METTL3: variants seen among roughly 807,000 people sequenced by gnomAD.
METTL3 encodes the protein methyltransferase 3, N6-adenosine-methyltransferase complex catalytic subunit, also known as N(6)-adenosine-methyltransferase catalytic subunit METTL3.
METTL3 carries 42 observed loss-of-function variants against 64.3 expected under a neutral mutation model. The ratio of observed to expected loss-of-function variants is 0.65; its 90% CI spans 0.51 to 0.84. METTL3 has a LOEUF of 0.84. Among genes scored for constraint, METTL3 ranks in the 40% least tolerant of loss-of-function variants. The pLI, the probability that METTL3 is intolerant of heterozygous loss-of-function variation, is 0.00. For synonymous variants in METTL3, 256 were observed against 263.6 expected (o/e 0.97, Z 0.28); for missense variants, 435 against 722.3 (o/e 0.60, Z 4.56).
Position 21,503,525 on chromosome 14 carries a change from G to A in METTL3, c.371C>T (p.Ala124Val). The A allele has an allele frequency of 1.2e-6, 2 of 1,611,940 alleles. No homozygotes were observed. Among genetic ancestry groups the A allele is most frequent in the South Asian group, 2.2e-5 (2 of 91,086 alleles). ...DGVESLLQKF[A>V]AQELIEVKRG... is the part of the protein sequence containing the mutation. ...CTTTACCTCAATCAACTCCTGAGCT[G>A]CAAACTTCTGCAGGAGGCTTTCTAC... The change falls in exon 3 of 11, where the codon GCA (alanine) becomes GTA (valine). Residue 124 changes from alanine (A) to valine (V), a missense_variant. Physicochemically the swap from Ala to Val is moderately conservative, Grantham distance 64 (BLOSUM62 0). Around this residue, in one of 9 missense-constraint regions of METTL3, gnomAD observed 228 missense variants for 279.6 expected, o/e 0.82. Coordinates refer to ENST00000298717, the MANE Select transcript of METTL3 (RefSeq NM_019852.5).
intron 1 of METTL3, chr14:21,504,124 C>T (rs1421947677): frequency 2.0e-6 from 1 of 494,110 alleles, no homozygotes; most frequent in Non-Finnish European, 3.7e-6. Flanking sequence ...TTTCCTAATT[C>T]CCTATCCTTG....
At chr14:21,500,813 G>A (rs776137899) in intron 5 of METTL3, 100 bp downstream of exon 5, 2 of 1,421,558 alleles carry the variant, frequency 1.4e-6, no homozygotes, top group Non-Finnish European at 1.9e-6. Flanking sequence ...CAATAAGCAA[G>A]ACAAGATTGC....
Position 21,498,174 on chromosome 14 carries a change from A to G in METTL3, c.*84T>C. ...ATACAAATGTTTATTTAAATAAAGA[A>G]GAAAGCTATTGTACAAATATCACTC... is the stretch of plus-strand genomic sequence containing the variant. On this transcript the variant is annotated 3_prime_UTR_variant, in exon 11 of 11. Transcript: ENST00000298717. 1.2e-6 allele frequency: 1 copy of G among 809,592 alleles called. No individual in the cohort carries two copies. Among genetic ancestry groups the G allele is most frequent in the South Asian group, 1.5e-5 (1 of 65,654 alleles). The allele number at this position is 809,592 out of a possible 1,614,324, so 50.2% of individuals were successfully genotyped here. A position where few individuals can be genotyped will look rare whatever the true frequency, so the allele number is the denominator to read the frequency against.
At chr14:21,501,273 AGGTAGCAT>A in intron 4 of METTL3, 144 bp from the exon 5 acceptor site, 1 of 647,242 alleles carries the variant, frequency 1.5e-6, no homozygotes, top group Non-Finnish European at 2.6e-6. Flanking sequence ...TAAGGGAGGC[AGGTAGCAT>A]GGAAATCCAT....
chr14:21,506,358 C>T (rs1891697568), intron 1 of METTL3, among the ~76,000 whole-genome samples: 1 of 151,622 alleles, frequency 6.6e-6, no homozygotes, highest in African/African-American at 2.4e-5. Flanking sequence ...TCGAGACCAT[C>T]CTGGCTAACA....
rs1469211640 is a variant in METTL3 at position 21,511,255 on chromosome 14, A to G, written c.-32T>C. 6.2e-7 allele frequency: 1 copy of G among 1,603,850 alleles called. No homozygotes were observed. The highest frequency in any genetic ancestry group is 2.3e-5 in the East Asian group (1 of 44,194). The stretch of plus-strand genomic sequence containing the variant: ...CTCCCAGCCCTGACACCTCTCGAAT[A>G]AGGCGCGGCGGACTAGCACCTCCCA... On this transcript the variant is annotated 5_prime_UTR_variant, in exon 1 of 11. Coordinates refer to ENST00000298717, the MANE Select transcript of METTL3 (RefSeq NM_019852.5).
intron 4 of METTL3, 45 bp from the exon 5 acceptor site, chr14:21,501,174 G>T: frequency 7.0e-7 from 1 of 1,426,330 alleles, no homozygotes; most frequent in Non-Finnish European, 9.8e-7. Flanking sequence ...TCCAGATGTA[G>T]ATCCAACAGT....
chr14:21,499,396 C>A, intron 8 of METTL3, 25 bp from the exon 9 acceptor site: 1 of 1,613,772 alleles, frequency 6.2e-7, no homozygotes, highest in Non-Finnish European at 8.5e-7. Context: ...TAACAGATTA[C>A]CTTATGAAAC....
Position 21,501,827 on chromosome 14 carries a change from C to T in METTL3, c.800G>A (p.Arg267Gln), listed in dbSNP as rs765732713. Residue 267 changes from arginine (R) to glutamine (Q), a missense_variant, in exon 4 of 11, where the codon CGA becomes CAA. Transcript: ENST00000298717. ...GAATTCTTGCACTTGGGCCCGACCT[C>T]GAGAGCGAAATTTTTCAACAATGGA... Reference protein sequence around the residue: ...EQSIVEKFRSRGRAQVQEFCD... With the variant: ...EQSIVEKFRSQGRAQVQEFCD... 3 of 1,613,968 alleles carry T rather than the reference C, an allele frequency of 1.9e-6. No homozygotes were observed. The highest frequency in any genetic ancestry group is 1.3e-5 in the African/African-American group (1 of 74,880).
intron 5 of METTL3, 89 bp downstream of exon 5, chr14:21,500,824 T>C (rs1891548374): frequency 6.9e-7 from 1 of 1,439,652 alleles, no homozygotes; most frequent in Non-Finnish European, 9.5e-7. Context: ...ACAAGATTGC[T>C]GAATTATGCT....
rs778953417 is a variant in METTL3 at position 21,501,009 on chromosome 14, C to G, written c.1020G>C (p.Glu340Asp). The G allele has an allele frequency of 1.9e-6, 3 of 1,614,104 alleles. No homozygotes were observed. The South Asian group carries it at 3.3e-5, about 18-fold the overall frequency. Residue 340 changes from glutamate (E) to aspartate (D), a missense_variant, in exon 5 of 11, where the codon GAG becomes GAC. Physicochemically the swap from Glu to Asp is conservative, Grantham distance 45. Transcript: ENST00000298717. Reference sequence around the variant, plus strand: ...GCGTGTGGTCTTTGCTGCCAGGGGCCTCAGAATCCATGCAAGCATCAATTT... The same window carrying G: ...GCGTGTGGTCTTTGCTGCCAGGGGCGTCAGAATCCATGCAAGCATCAATTT... ...HYEIDACMDS[E>D]APGSKDHTPS...
Position 21,511,209 on chromosome 14 carries a change from CCACGTGTCCGA to C in METTL3, c.4_14del (p.Ser2GlufsTer43). The stretch of plus-strand genomic sequence containing the variant: ...GCTTCTTGTGGGCCTGGATAGAGCT[CCACGTGTCCGA>C]CATCCTAGTCTCCCAGCCCTGACAC... On this transcript the variant is annotated frameshift_variant, in exon 1 of 11. Transcript: ENST00000298717. LOFTEE classifies it high-confidence loss of function. 1.2e-6 allele frequency: 2 copies of C among 1,613,862 alleles called. No homozygotes were observed. Among genetic ancestry groups the C allele is most frequent in the Non-Finnish European group, 1.7e-6 (2 of 1,179,892 alleles).
chr14:21,498,155 A>G lies in METTL3; in HGVS notation c.*103T>C. 1 of 720,086 alleles carries G rather than the reference A, an allele frequency of 1.4e-6. No homozygotes were observed. Among genetic ancestry groups the G allele is most frequent in the Non-Finnish European group, 2.4e-6 (1 of 419,984 alleles). 44.6% of individuals were successfully genotyped at this position (720,086 alleles called of 1,614,324 possible). On this transcript the variant is annotated 3_prime_UTR_variant, in exon 11 of 11. Coordinates refer to ENST00000298717, the MANE Select transcript of METTL3 (RefSeq NM_019852.5). ...CTTCAGAATCCCAACTACAATACAA[A>G]TGTTTATTTAAATAAAGAAGAAAGC...
rs1470429443 is a variant in METTL3, at chr14:21,498,241, T to A, written c.*17A>T. 7.1e-7 allele frequency: 1 copy of A among 1,413,156 alleles called. No homozygotes were observed. The highest frequency in any genetic ancestry group is 1.7e-5 in the Admixed American group (1 of 59,722). The allele number at this position is 1,413,156 out of a possible 1,614,324, so 87.5% of individuals were successfully genotyped here. On this transcript the variant is annotated 3_prime_UTR_variant, in exon 11 of 11. Transcript: ENST00000298717. ...AGAGCCATGGCTATGGATTCTTAGCTCTGTAAGGAAGTGCTTCTATAAATT... is the reference window on the plus strand; with the variant it reads ...AGAGCCATGGCTATGGATTCTTAGCACTGTAAGGAAGTGCTTCTATAAATT...
At chr14:21,500,853 TGGC>T in intron 5 of METTL3, 57 bp downstream of exon 5, 2 of 1,527,770 alleles carry the variant, frequency 1.3e-6, no homozygotes, top group Non-Finnish European at 1.8e-6. Flanking sequence ...TTAACGTGTA[TGGC>T]TGCCCTATCA....
In METTL3 at chr14:21,501,787, G is replaced by A. The variant is rs775327955; in HGVS notation, c.840C>T (p.Thr280=). ...AQVQEFCDYG[T]KEECMKASDA... is the part of the protein sequence containing the mutation. The stretch of plus-strand genomic sequence containing the variant: ...CACTGGCTTTCATGCACTCCTCCTT[G>A]GTTCCATAGTCACAGAATTCTTGCA... Residue 280 remains threonine (T), a synonymous_variant, in exon 4 of 11, where the codon ACC becomes ACT. Transcript: ENST00000298717. 6.8e-6 allele frequency: 11 copies of A among 1,614,024 alleles called. No individual in the cohort carries two copies. The Admixed American group carries it at 1.2e-4, about 17-fold the overall frequency.
At chr14:21,498,966 C>G in intron 10 of METTL3, 59 bp downstream of exon 10, 1 of 1,191,450 alleles carries the variant, frequency 8.4e-7, no homozygotes, top group Non-Finnish European at 1.3e-6. Flanking sequence ...CTACTAAGTT[C>G]TGTCCTTAAT....
At chr14:21,504,270 T>G (rs1431872019) in intron 1 of METTL3, 1 of 197,488 alleles carries the variant, frequency 5.1e-6, no homozygotes. Context: ...TTGAGGCATG[T>G]AGTGTGAATT....
intron 1 of METTL3, among the ~76,000 whole-genome samples, chr14:21,508,882 G>GA (rs1419467240): frequency 6.6e-6 from 1 of 152,010 alleles, no homozygotes; most frequent in Non-Finnish European, 1.5e-5. Context: ...CAACAAGAGC[G>GA]AAACTCCATC....
Sources: allele counts gnomAD v4.1 joint callset (sites outside exome capture counted in the v4.1 genomes callset), GRCh38; gene constraint gnomAD v4.1.1; regional missense constraint gnomAD v4.1.1; transcripts MANE v1.5; gene names NCBI Gene and HGNC (gene_info 2026-07-23, HGNC 2026-07-21).